The following TRPM6 variants were observed in gnomAD, a reference collection of about 807,000 sequenced individuals.
TRPM6 encodes the protein transient receptor potential cation channel subfamily M member 6.
Under a neutral mutation model 247.6 loss-of-function variants are expected in TRPM6, and 111 were observed. That is an observed-to-expected ratio of 0.45 (90% CI 0.38 to 0.52). The LOEUF (loss-of-function observed/expected upper bound fraction) is 0.52. Ranked by LOEUF, TRPM6 falls within the 20% of genes least tolerant of loss-of-function variation. The pLI, the probability that TRPM6 is intolerant of heterozygous loss-of-function variation, is 0.00. For synonymous variants in TRPM6, 892 were observed against 853.8 expected, an observed-to-expected ratio of 1.04 and a Z score of -0.78; for missense variants, 2,126 against 2,421.5, an observed-to-expected ratio of 0.88 and a Z score of 2.56.
At chr9:74,733,348 G>T (rs1316969927) in intron 36 of TRPM6, among the ~76,000 whole-genome samples, 1 of 152,100 alleles carries the variant, frequency 6.6e-6, no homozygotes, top group Non-Finnish European at 1.5e-5. Context: ...GTTCAGAAAT[G>T]TTTGAAAATT....
intron 24 of TRPM6, among the ~76,000 whole-genome samples, chr9:74,774,174 G>A (rs1488470396): frequency 6.6e-6 from 1 of 152,184 alleles, no homozygotes; most frequent in Non-Finnish European, 1.5e-5. Context: ...AAAGCTCAGG[G>A]TGAATTCATT....
At chr9:74,726,241 G>T (rs1164209664) in intron 38 of TRPM6, among the ~76,000 whole-genome samples, 2 of 152,218 alleles carry the variant, frequency 1.3e-5, no homozygotes, top group African/African-American at 4.8e-5. Context: ...ACCTACCAGT[G>T]TATCACACCT....
chr9:74,818,940 G>C (rs1219747289), intron 9 of TRPM6, among the ~76,000 whole-genome samples: 1 of 151,808 alleles, frequency 6.6e-6, no homozygotes, highest in African/African-American at 2.4e-5. Context: ...ATTCTAGAAA[G>C]ATCACCTTGA....
chr9:74,880,546 C>A (rs183697826), intron 1 of TRPM6, among the ~76,000 whole-genome samples: 5 of 150,534 alleles, frequency 3.3e-5, no homozygotes, highest in Admixed American at 6.6e-5. Flanking sequence ...TTCAAAATAC[C>A]GAAAAAAAAA....
chr9:74,874,245 A>AC (rs1232400699), intron 1 of TRPM6, among the ~76,000 whole-genome samples: 5 of 151,594 alleles, frequency 3.3e-5, no homozygotes, highest in East Asian at 1.9e-4. Context: ...TAAAAACAAA[A>AC]AAAAAAAAAA....
intron 23 of TRPM6, among the ~76,000 whole-genome samples, chr9:74,781,596 AGAGAGGAAAGGAGAG>A (rs927747651): frequency 7.9e-5 from 12 of 151,720 alleles, no homozygotes; most frequent in East Asian, 1.9e-4. Context: ...AGGAAACGAA[AGAGAGGAAAGGAGAG>A]GAGAGGAAAG....
At chr9:74,854,542 TGA>T (rs1830462710) in intron 3 of TRPM6, among the ~76,000 whole-genome samples, 1 of 152,304 alleles carries the variant, frequency 6.6e-6, no homozygotes, top group African/African-American at 2.4e-5. Flanking sequence ...GAGGAAAAAG[TGA>T]GAGGTCAGCC....
chr9:74,736,649 T>A (rs1040989906), intron 36 of TRPM6, among the ~76,000 whole-genome samples: 1 of 152,178 alleles, frequency 6.6e-6, no homozygotes, highest in Non-Finnish European at 1.5e-5. Flanking sequence ...CTGATAAATA[T>A]CTCAAATTTC....
In TRPM6 at chr9:74,792,009, G is replaced by A. The variant is rs368768056; in HGVS notation, c.2538+615C>T. 2.3e-3 allele frequency among the ~76,000 whole-genome samples: 347 copies of A among 152,158 alleles called. 3 individuals carry two copies. The highest frequency in any genetic ancestry group is 2.9e-3 in the Non-Finnish European group (195 of 67,988). The stretch of plus-strand genomic sequence containing the variant: ...CCTGACCTTGTGATCTGCCCGCCTC[G>A]GCCTCCCAAAGTGCTGGAATTACAG... On this transcript the variant is annotated intron_variant, in intron 19 of 38. Transcript: ENST00000360774.
chr9:74,809,810 G>C (rs563098759), intron 13 of TRPM6, among the ~76,000 whole-genome samples: 1 of 151,554 alleles, frequency 6.6e-6, no homozygotes, highest in South Asian at 2.1e-4. Context: ...GAAACCCCAC[G>C]TCTACCAAAA....
chr9:74,850,735 A>G (rs1465675087), intron 3 of TRPM6, among the ~76,000 whole-genome samples: 4 of 152,178 alleles, frequency 2.6e-5, no homozygotes, highest in Non-Finnish European at 1.5e-5. Context: ...AAAAACAAAA[A>G]AACAAACAAA....
At chr9:74,853,851 CAATA>C (rs1224275324) in intron 3 of TRPM6, among the ~76,000 whole-genome samples, 3 of 151,122 alleles carry the variant, frequency 2.0e-5, no homozygotes, top group Non-Finnish European at 4.4e-5. Flanking sequence ...CAAGAATGAT[CAATA>C]AATACTAAAA....
rs547282693 is a variant in TRPM6 at position 74,736,168 on chromosome 9, A to T, written c.5776+2239T>A. On this transcript the variant is annotated intron_variant, in intron 36 of 38. Coordinates refer to ENST00000360774, the MANE Select transcript of TRPM6 (RefSeq NM_017662.5). ...GAACTTGTCTCAATTCTTGCCCTTAACAACTCTATGGCTTAAGTGCCTAAT... is the reference window on the plus strand; with the variant it reads ...GAACTTGTCTCAATTCTTGCCCTTATCAACTCTATGGCTTAAGTGCCTAAT... Among the ~76,000 whole-genome samples the T allele has an allele frequency of 3.9e-5, 6 of 152,354 alleles. No individual in the cohort carries two copies. In the South Asian group the frequency reaches 1.2e-3, roughly 32 times the overall value.
chr9:74,863,200 C>A (rs970044541), intron 1 of TRPM6, among the ~76,000 whole-genome samples: 3 of 151,690 alleles, frequency 2.0e-5, no homozygotes, highest in African/African-American at 7.3e-5. Context: ...GTTCCTGCCA[C>A]CACATCGAGC....
rs780750775 is a variant in TRPM6 at position 74,782,698 on chromosome 9, G to A, written c.3075C>T (p.Val1025=). Residue 1025 remains valine, a synonymous_variant, in exon 22 of 39, where the codon GTC becomes GTT. Transcript: ENST00000360774. ...ACACACCATCTATTTCTCCAGCATA[G>A]ACTTCTCCGTATATCATCCAGTATG... ...FEPYWMIYGE[V]YAGEIDVCSS... is the part of the protein sequence containing the mutation. The A allele has an allele frequency of 2.5e-6, 4 of 1,613,976 alleles. No individual in the cohort carries two copies. In the African/African-American group the frequency reaches 5.3e-5, roughly 22 times the overall value.
intron 25 of TRPM6, among the ~76,000 whole-genome samples, chr9:74,771,247 A>AC (rs1278145996): frequency 6.6e-6 from 1 of 151,842 alleles, no homozygotes; most frequent in Non-Finnish European, 1.5e-5. Flanking sequence ...AGTCCACTCA[A>AC]CCCCCAGCTC....
At chr9:74,813,942 CA>C (rs1828829587) in intron 11 of TRPM6, among the ~76,000 whole-genome samples, 1 of 152,044 alleles carries the variant, frequency 6.6e-6, no homozygotes, top group Non-Finnish European at 1.5e-5. Flanking sequence ...ACTAAAAATA[CA>C]AAAATTAGCC....
At chr9:74,839,058 CA>C (rs1778920298) in intron 5 of TRPM6, among the ~76,000 whole-genome samples, 1 of 139,242 alleles carries the variant, frequency 7.2e-6, no homozygotes, top group Non-Finnish European at 1.5e-5. Flanking sequence ...CGCAGTGAGC[CA>C]AGACTGCACC....
intron 3 of TRPM6, among the ~76,000 whole-genome samples, chr9:74,853,199 A>G (rs1375133156): frequency 6.9e-6 from 1 of 145,974 alleles, no homozygotes; most frequent in Non-Finnish European, 1.5e-5. Flanking sequence ...GAGAAGTGAG[A>G]AGCCCCTCCG....
Sources: gnomAD v4.1 joint callset for allele counts (sites outside exome capture counted in the v4.1 genomes callset) on GRCh38, gnomAD v4.1.1 for gene constraint, MANE v1.5 for transcripts, NCBI Gene and HGNC (gene_info 2026-07-23, HGNC 2026-07-21) for gene names.